TAFA1: variants seen among roughly 807,000 people sequenced by gnomAD.
TAFA1 encodes chemokine-like protein TAFA-1.
In TAFA1, 4 loss-of-function variants were observed where a neutral mutation model predicts 18.5. The ratio of observed to expected loss-of-function variants is 0.22; its 90% CI spans 0.11 to 0.49. The LOEUF (loss-of-function observed/expected upper bound fraction) is 0.49, where lower values mean the gene tolerates loss of function less well. Ranked by LOEUF, TAFA1 falls within the 20% of genes least tolerant of loss-of-function variation. The pLI, the probability that TAFA1 is intolerant of heterozygous loss-of-function variation, is 0.98. For synonymous variants in TAFA1, 56 were observed against 55.2 expected (o/e 1.01, Z -0.06); for missense variants, 147 against 169.0 (o/e 0.87, Z 0.72).
intron 2 of TAFA1, among the ~76,000 whole-genome samples, chr3:68,233,542 T>C (rs759923836): frequency 6.6e-6 from 1 of 152,222 alleles, no homozygotes; most frequent in Non-Finnish European, 1.5e-5. Flanking sequence ...AGCTTTGAAG[T>C]CAGGTCGTGT....
chr3:68,136,004 T>C (rs1004190025), intron 2 of TAFA1, among the ~76,000 whole-genome samples: 1 of 152,148 alleles, frequency 6.6e-6, no homozygotes, highest in African/African-American at 2.4e-5. Context: ...GAAAAACAGA[T>C]TGAATTTCAG....
At chr3:68,148,304 A>G (rs2065767243) in intron 2 of TAFA1, among the ~76,000 whole-genome samples, 1 of 152,222 alleles carries the variant, frequency 6.6e-6, no homozygotes, top group African/African-American at 2.4e-5. Context: ...GTATTTTGCA[A>G]GAAGCCTTAT....
chr3:68,020,211 A>T (rs933395040), intron 2 of TAFA1, among the ~76,000 whole-genome samples: 6 of 152,198 alleles, frequency 3.9e-5, no homozygotes, highest in African/African-American at 1.2e-4. Flanking sequence ...GAAATTGGGC[A>T]AAGAGTTGAT....
intron 2 of TAFA1, among the ~76,000 whole-genome samples, chr3:68,267,393 C>G (rs1166187892): frequency 3.9e-5 from 6 of 152,124 alleles, no homozygotes; most frequent in African/African-American, 9.7e-5. Context: ...GACAAGGAGA[C>G]CAAACTCCAG....
At chr3:68,142,406 C>A (rs2065678065) in intron 2 of TAFA1, among the ~76,000 whole-genome samples, 1 of 152,160 alleles carries the variant, frequency 6.6e-6, no homozygotes, top group African/African-American at 2.4e-5. Flanking sequence ...TAAAGGACGC[C>A]TTTCATCCAA....
rs567586187 is a variant in TAFA1, at chr3:68,310,829, A to G, written c.119-106451A>G. Among the ~76,000 whole-genome samples, 17 of 152,292 alleles carry G rather than the reference A, an allele frequency of 1.1e-4. No individual in the cohort carries two copies. The South Asian group carries it at 3.5e-3, about 32-fold the overall frequency. On this transcript the variant is annotated intron_variant, in intron 2 of 4. Coordinates refer to ENST00000478136, the MANE Select transcript of TAFA1 (RefSeq NM_213609.4). Reference sequence around the variant, plus strand: ...ATTTAGTTTCAATTGTGTGGTTTTTAAAATATTGCTTCATTTTTATTCAGA... The same window carrying G: ...ATTTAGTTTCAATTGTGTGGTTTTTGAAATATTGCTTCATTTTTATTCAGA...
chr3:68,092,797 C>T (rs2065044578), intron 2 of TAFA1, among the ~76,000 whole-genome samples: 1 of 152,096 alleles, frequency 6.6e-6, no homozygotes, highest in Non-Finnish European at 1.5e-5. Flanking sequence ...AAATCAGCAG[C>T]CCCCATGTGC....
intron 2 of TAFA1, among the ~76,000 whole-genome samples, chr3:68,294,235 A>T (rs1383866202): frequency 6.6e-6 from 1 of 152,244 alleles, no homozygotes; most frequent in Non-Finnish European, 1.5e-5. Context: ...GCCCAATATA[A>T]GTAAAATGCA....
At position 68,120,173 on chromosome 3, in the gene TAFA1, CTTTCTTTCTTTCTTT is replaced by C. The variant is rs1559527498; in HGVS notation, c.118+113430_118+113444del. ...TCTTTCTTTCTTTCTCTTTCTTTCT[CTTTCTTTCTTTCTTT>C]CTTTCTTTCTTTCTTTCTTTCTTTC... On this transcript the variant is annotated intron_variant, in intron 2 of 4. Coordinates refer to ENST00000478136, the MANE Select transcript of TAFA1 (RefSeq NM_213609.4). 1.6e-3 allele frequency among the ~76,000 whole-genome samples: 26 copies of C among 16,458 alleles called. No homozygotes were observed. The South Asian group carries it at 0.021, about 14-fold the overall frequency. The allele number at this position is 16,458 out of a possible 152,430, so 10.8% of individuals were successfully genotyped here. A position where few individuals can be genotyped will look rare whatever the true frequency, so the allele number is the denominator to read the frequency against.
intron 2 of TAFA1, among the ~76,000 whole-genome samples, chr3:68,386,882 C>A (rs2070116328): frequency 6.6e-6 from 1 of 152,172 alleles, no homozygotes; most frequent in African/African-American, 2.4e-5. Flanking sequence ...GTCCTAGGAA[C>A]AATTTCCCAT....
intron 2 of TAFA1, among the ~76,000 whole-genome samples, chr3:68,390,283 T>C (rs1226142215): frequency 2.0e-5 from 3 of 151,954 alleles, no homozygotes; most frequent in Non-Finnish European, 4.4e-5. Flanking sequence ...ACAAAGCTAC[T>C]GTAGCCAGAC....
intron 3 of TAFA1, among the ~76,000 whole-genome samples, chr3:68,433,325 A>G (rs991624466): frequency 6.6e-6 from 1 of 151,882 alleles, no homozygotes; most frequent in Non-Finnish European, 1.5e-5. Context: ...TTTCTATCCA[A>G]TAACCAAGCT....
intron 2 of TAFA1, among the ~76,000 whole-genome samples, chr3:68,079,605 C>G (rs1225727819): frequency 1.3e-5 from 2 of 152,136 alleles, no homozygotes; most frequent in African/African-American, 4.8e-5. Flanking sequence ...TGTTCAGTTT[C>G]CATGTAGTTG....
intron 2 of TAFA1, among the ~76,000 whole-genome samples, chr3:68,017,853 A>T (rs1333469180): frequency 1.3e-5 from 2 of 152,186 alleles, no homozygotes; most frequent in African/African-American, 2.4e-5. Flanking sequence ...ATAACTGAAT[A>T]GGGTACTATG....
intron 2 of TAFA1, among the ~76,000 whole-genome samples, chr3:68,257,598 A>G (rs2067324589): frequency 6.6e-6 from 1 of 152,148 alleles, no homozygotes; most frequent in Non-Finnish European, 1.5e-5. Context: ...AATCCTCACA[A>G]TAACCTTTTG....
At chr3:68,145,328 C>T (rs1174693874) in intron 2 of TAFA1, 2 of 793,870 alleles carry the variant, frequency 2.5e-6, no homozygotes, top group Admixed American at 1.7e-5. Context: ...TATGGAAGCA[C>T]TTAGAGATGC....
chr3:68,301,250 A>G (rs895214757), intron 2 of TAFA1, among the ~76,000 whole-genome samples: 2 of 152,190 alleles, frequency 1.3e-5, no homozygotes, highest in African/African-American at 2.4e-5. Context: ...ATTACCATGT[A>G]TTATAAACTT....
rs1418368091 is a variant in TAFA1 at position 68,370,332 on chromosome 3, A to G, written c.119-46948A>G. Among the ~76,000 whole-genome samples, 4 of 70,916 alleles carry G rather than the reference A, an allele frequency of 5.6e-5. No homozygotes were observed. In the Admixed American group the frequency reaches 6.6e-4, roughly 12 times the overall value. 46.5% of individuals were successfully genotyped at this position (70,916 alleles called of 152,430 possible). ...AAAAAAAAAAAAAAAATATATATAT[A>G]TATATATATATATATATATATACAC... On this transcript the variant is annotated intron_variant, in intron 2 of 4. Coordinates refer to ENST00000478136, the MANE Select transcript of TAFA1 (RefSeq NM_213609.4).
intron 3 of TAFA1, among the ~76,000 whole-genome samples, chr3:68,490,963 C>T (rs897084663): frequency 1.5e-4 from 23 of 151,906 alleles, no homozygotes; most frequent in Admixed American, 1.3e-3. Flanking sequence ...CTCAACCCCC[C>T]GAGTTGCTGG....
Sources: allele counts gnomAD v4.1 joint callset (sites outside exome capture counted in the v4.1 genomes callset), GRCh38; gene constraint gnomAD v4.1.1; transcripts MANE v1.5; gene names NCBI Gene and HGNC (gene_info 2026-07-23, HGNC 2026-07-21).